The following C6 variants were observed in gnomAD, a reference collection of about 807,000 sequenced individuals.
C6 encodes complement C6.
A neutral mutation model predicts 112.9 loss-of-function variants in C6; 101 were observed. That is an observed-to-expected ratio of 0.89 (90% CI 0.76 to 1.06). C6 has a LOEUF of 1.06. C6 is among the 50% of genes least tolerant of loss of function. The probability of loss-of-function intolerance (pLI) is 0.00; values close to 1 mark genes in which losing one functional copy is unlikely to be tolerated. For missense variants in C6, 1,202 were observed against 1,104.6 expected, an observed-to-expected ratio of 1.09 and a Z score of -1.25; for synonymous variants, 431 against 384.1, an observed-to-expected ratio of 1.12 and a Z score of -1.43.
intron 5 of C6, among the ~76,000 whole-genome samples, chr5:41,189,247 C>A (rs1052649231): frequency 2.6e-5 from 4 of 151,914 alleles, no homozygotes; most frequent in African/African-American, 7.2e-5. Context: ...GTATAATTAC[C>A]ATAAGACCCT....
At chr5:41,192,584 C>T (rs2150348130) in intron 5 of C6, among the ~76,000 whole-genome samples, 1 of 151,902 alleles carries the variant, frequency 6.6e-6, no homozygotes, top group Middle Eastern at 3.4e-3. Context: ...TCTATTTCTT[C>T]TTGATTCAAT....
intron 4 of C6, 51 bp from the exon 5 acceptor site, chr5:41,195,984 A>G (rs772651572): frequency 1.9e-6 from 3 of 1,603,538 alleles, no homozygotes; most frequent in African/African-American, 2.7e-5. Flanking sequence ...CATTTTAGAA[A>G]GTATTTATTA....
rs927275882 is a variant in C6 at position 41,171,291 on chromosome 5, C to T, written c.1291+934G>A. Among the ~76,000 whole-genome samples, 25 of 152,082 alleles carry T rather than the reference C, an allele frequency of 1.6e-4. 2 individuals carry two copies. The East Asian group carries it at 2.3e-3, about 14-fold the overall frequency. ...TTTCTGGTTTGGCTGATTTAGTTGA[C>T]GGTGATGCCATCATCAAGGCTGGGA... On this transcript the variant is annotated intron_variant, in intron 9 of 17. Coordinates refer to ENST00000337836, the MANE Select transcript of C6 (RefSeq NM_000065.5).
intron 1 of C6, among the ~76,000 whole-genome samples, chr5:41,204,389 G>T (rs892570951): frequency 2.0e-5 from 3 of 152,134 alleles, no homozygotes; most frequent in African/African-American, 7.2e-5. Context: ...AAATTTAATA[G>T]TAGCTGTTGG....
intron 1 of C6, among the ~76,000 whole-genome samples, chr5:41,234,898 T>C (rs1740159027): frequency 6.6e-6 from 1 of 152,118 alleles, no homozygotes. Flanking sequence ...GCTATAATAA[T>C]TCCTTACTAA....
intron 9 of C6, among the ~76,000 whole-genome samples, chr5:41,166,286 C>T (rs1038466089): frequency 2.0e-5 from 3 of 152,044 alleles, no homozygotes; most frequent in Non-Finnish European, 4.4e-5. Flanking sequence ...CTAAACCTAC[C>T]TTGTCAGCTT....
At chr5:41,199,723 A>G (rs1268006725) in intron 4 of C6, 45 bp downstream of exon 4, 5 of 1,590,788 alleles carry the variant, frequency 3.1e-6, no homozygotes, top group Non-Finnish European at 4.3e-6. Context: ...TGATTTAGTC[A>G]AGCTATTTTT....
intron 1 of C6, among the ~76,000 whole-genome samples, chr5:41,208,397 A>G (rs1751612667): frequency 6.6e-6 from 1 of 152,196 alleles, no homozygotes; most frequent in South Asian, 2.1e-4. Flanking sequence ...ACATAGAAAC[A>G]CAAAAAACCC....
chr5:41,225,131 T>G (rs967153879), intron 1 of C6, among the ~76,000 whole-genome samples: 1 of 152,178 alleles, frequency 6.6e-6, no homozygotes, highest in Non-Finnish European at 1.5e-5. Flanking sequence ...TTGTTACATA[T>G]GTATACATGT....
chr5:41,243,182 G>A (rs1450733279), intron 1 of C6, among the ~76,000 whole-genome samples: 2 of 152,120 alleles, frequency 1.3e-5, no homozygotes, highest in Non-Finnish European at 2.9e-5. Context: ...AACTATTTGA[G>A]ATGATGACAT....
At chr5:41,211,528 G>A (rs957542675) in intron 1 of C6, among the ~76,000 whole-genome samples, 5 of 151,956 alleles carry the variant, frequency 3.3e-5, no homozygotes, top group African/African-American at 1.2e-4. Flanking sequence ...TAGAATTTAA[G>A]TCGTGATCAG....
chr5:41,178,632 C>A (rs944508483), intron 7 of C6, among the ~76,000 whole-genome samples: 3 of 151,202 alleles, frequency 2.0e-5, no homozygotes, highest in Non-Finnish European at 4.4e-5. Flanking sequence ...CCCGCCACCA[C>A]GTCTGGCAAA....
chr5:41,255,561 C>G (rs1336622464), intron 1 of C6, among the ~76,000 whole-genome samples: 2 of 152,140 alleles, frequency 1.3e-5, no homozygotes, highest in South Asian at 4.1e-4. Flanking sequence ...GGAAGGGACT[C>G]TAATCAGGAA....
Position 41,258,573 on chromosome 5 carries a change from G to C in C6, c.-21+2621C>G, listed in dbSNP as rs117331135. Among the ~76,000 whole-genome samples the C allele has an allele frequency of 9.9e-4, 151 of 152,278 alleles. 3 individuals are homozygous for C. The East Asian group carries it at 0.024, about 24-fold the overall frequency. On this transcript the variant is annotated intron_variant, in intron 1 of 17. Coordinates refer to the C6 transcript ENST00000263413. ...TTGAGTCCAAAAAATATTTTTGAAA[G>C]CTTCAAAGAATTTACTTATATTGAA... is the stretch of plus-strand genomic sequence containing the variant.
intron 2 of C6, among the ~76,000 whole-genome samples, chr5:41,202,659 T>G (rs1291488472): frequency 6.6e-6 from 1 of 152,198 alleles, no homozygotes; most frequent in Non-Finnish European, 1.5e-5. Flanking sequence ...GAAAGAACAG[T>G]TTTGTTGCCA....
intron 17 of C6, among the ~76,000 whole-genome samples, chr5:41,143,295 G>T (rs538595146): frequency 1.3e-5 from 2 of 152,116 alleles, no homozygotes; most frequent in Non-Finnish European, 2.9e-5. Context: ...AGCTTAAAGA[G>T]TTGGCCTATT....
At chr5:41,162,231 C>T (rs537531897) in intron 9 of C6, among the ~76,000 whole-genome samples, 1 of 152,212 alleles carries the variant, frequency 6.6e-6, no homozygotes, top group South Asian at 2.1e-4. Flanking sequence ...GCAAATATAG[C>T]CCAGTCCTTG....
chr5:41,232,018 T>C (rs1052595890), intron 1 of C6, among the ~76,000 whole-genome samples: 4 of 152,062 alleles, frequency 2.6e-5, no homozygotes, highest in African/African-American at 9.7e-5. Context: ...CTTCTTCAGG[T>C]TTTACCTTTT....
intron 1 of C6, among the ~76,000 whole-genome samples, chr5:41,230,792 G>C (rs573905213): frequency 6.6e-6 from 1 of 152,244 alleles, no homozygotes; most frequent in East Asian, 1.9e-4. Flanking sequence ...TGTCACCCTG[G>C]AGGCCCAGCT....
Sources: allele counts gnomAD v4.1 joint callset (sites outside exome capture counted in the v4.1 genomes callset), GRCh38; gene constraint gnomAD v4.1.1; transcripts MANE v1.5; gene names NCBI Gene and HGNC (gene_info 2026-07-23, HGNC 2026-07-21).